The following DMXL1 variants were observed in gnomAD, a reference collection of about 807,000 sequenced individuals.
DMXL1 encodes dmX-like protein 1.
A neutral mutation model predicts 319.2 loss-of-function variants in DMXL1; 99 were observed. The observed-to-expected ratio is 0.31, with a 90% CI of 0.26 to 0.37. The LOEUF is 0.37. DMXL1 is among the 10% of genes least tolerant of loss of function. The pLI is 1.00. For synonymous variants in DMXL1, 1,385 were observed against 1,235.2 expected (o/e 1.12, Z -2.54); for missense variants, 3,745 against 3,595.6 (o/e 1.04, Z -1.06).
chr5:119,132,924 T>TA, intron 10 of DMXL1: 1 of 610,740 alleles, frequency 1.6e-6, no homozygotes, highest in East Asian at 2.8e-5. Context: ...CATTAAGCAT[T>TA]ACATTTACTG....
At chr5:119,100,492 G>A (rs901470524) in intron 2 of DMXL1, 1 of 149,876 alleles carries the variant, frequency 6.7e-6, no homozygotes, top group African/African-American at 2.4e-5. Flanking sequence ...TATTATTACT[G>A]TTTTTTTCTT....
At chr5:119,114,371 A>G (rs964396317) in intron 5 of DMXL1, 104 bp from the exon 6 acceptor site, 15 of 796,176 alleles carry the variant, frequency 1.9e-5, no homozygotes, top group South Asian at 1.5e-4. Context: ...AACTTATAAC[A>G]TTTTCTGTCT....
At chr5:119,097,259 G>A (rs1265309085) in intron 1 of DMXL1, among the ~76,000 whole-genome samples, 1 of 152,230 alleles carries the variant, frequency 6.6e-6, no homozygotes, top group African/African-American at 2.4e-5. Flanking sequence ...GAAAACTGTT[G>A]AGGGGTTTAA....
At chr5:119,104,923 T>TA (rs1307094892) in intron 3 of DMXL1, among the ~76,000 whole-genome samples, 1 of 152,230 alleles carries the variant, frequency 6.6e-6, no homozygotes, top group African/African-American at 2.4e-5. Flanking sequence ...AATCTGAGGC[T>TA]ATTAAGACTG....
At chr5:119,147,554 C>CT in intron 17 of DMXL1, 84 bp downstream of exon 17, 1 of 853,428 alleles carries the variant, frequency 1.2e-6, no homozygotes, top group South Asian at 1.6e-5. Flanking sequence ...GCAACTATCT[C>CT]TTAAATCCAC....
chr5:119,133,446 C>T (rs1285176195), intron 11 of DMXL1, 48 bp from the exon 12 acceptor site: 1 of 1,576,184 alleles, frequency 6.3e-7, no homozygotes, highest in Admixed American at 1.9e-5. Context: ...TTTCTAATAC[C>T]TCTTTATATA....
In DMXL1 at chr5:119,167,959, C is replaced by G. The variant is rs951037622; in HGVS notation, c.5398+95C>G. The G allele has an allele frequency of 1.4e-5, 17 of 1,177,290 alleles. No homozygotes were observed. The African/African-American group carries it at 2.7e-4, about 19-fold the overall frequency. The allele number at this position is 1,177,290 out of a possible 1,614,324, so 72.9% of individuals were successfully genotyped here. ...TATTAGGTGGTAAGGGTAATACAAACAAATTGAATTCATGGTCTTTATAAC... is the reference window on the plus strand; with the variant it reads ...TATTAGGTGGTAAGGGTAATACAAAGAAATTGAATTCATGGTCTTTATAAC... On this transcript the variant is annotated intron_variant, in intron 23 of 43. Transcript: ENST00000539542.
intron 38 of DMXL1, among the ~76,000 whole-genome samples, chr5:119,226,061 A>C (rs1785493635): frequency 6.6e-6 from 1 of 152,086 alleles, no homozygotes; most frequent in Non-Finnish European, 1.5e-5. Context: ...GGCAGGTGTA[A>C]ATATCCTATA....
intron 34 of DMXL1, among the ~76,000 whole-genome samples, chr5:119,209,210 G>C (rs924122984): frequency 6.6e-6 from 1 of 152,134 alleles, no homozygotes; most frequent in African/African-American, 2.4e-5. Context: ...CATTTCTCTT[G>C]TGTAAATGCC....
At chr5:119,098,939 T>A (rs1756607794) in intron 2 of DMXL1, among the ~76,000 whole-genome samples, 1 of 152,214 alleles carries the variant, frequency 6.6e-6, no homozygotes, top group Non-Finnish European at 1.5e-5. Context: ...AATCTTCATT[T>A]GAGGTAAACT....
In DMXL1 at chr5:119,197,845, G is replaced by C. The variant is rs1779923402; in HGVS notation, c.7634G>C (p.Gly2545Ala). Reference sequence around the variant, plus strand: ...CTTCTCCGACGACTTGAAATCCATGGTGGGCCACCTCAAAATTATATCGCA... The same window carrying C: ...CTTCTCCGACGACTTGAAATCCATGCTGGGCCACCTCAAAATTATATCGCA... ...QVLLRRLEIH[G>A]GPPQNYIASH... The change falls in exon 32 of 44, where the codon GGT (glycine) becomes GCT (alanine). Residue 2545 changes from glycine to alanine, a missense_variant. Around this residue, in one of 4 missense-constraint regions of DMXL1, gnomAD observed 1,382 missense variants for 1,269.5 expected, o/e 1.09. Transcript: ENST00000539542. 6.2e-7 allele frequency: 1 copy of C among 1,613,996 alleles called. No individual in the cohort carries two copies. Among genetic ancestry groups the C allele is most frequent in the Admixed American group, 1.7e-5 (1 of 59,998 alleles).
intron 3 of DMXL1, among the ~76,000 whole-genome samples, chr5:119,103,757 A>G (rs186758629): frequency 9.2e-5 from 14 of 152,312 alleles, no homozygotes; most frequent in Non-Finnish European, 1.9e-4. Context: ...AGCCCAGAAC[A>G]GTGTATTTCA....
At chr5:119,108,668 C>T (rs1331497307) in intron 4 of DMXL1, among the ~76,000 whole-genome samples, 1 of 152,192 alleles carries the variant, frequency 6.6e-6, no homozygotes, top group South Asian at 2.1e-4. Flanking sequence ...AGTCCTCCCA[C>T]CTTGGCCTCC....
At chr5:119,190,248 A>G (rs1314291637) in intron 29 of DMXL1, among the ~76,000 whole-genome samples, 7 of 152,226 alleles carry the variant, frequency 4.6e-5, no homozygotes, top group Admixed American at 1.3e-4. Flanking sequence ...TCTTTTTTAT[A>G]CTACAGCAGT....
chr5:119,207,377 A>T (rs1781929038), intron 34 of DMXL1, among the ~76,000 whole-genome samples: 1 of 152,186 alleles, frequency 6.6e-6, no homozygotes, highest in Non-Finnish European at 1.5e-5. Flanking sequence ...TTTTACTGGT[A>T]GCAATAGCAT....
At chr5:119,173,864 C>A (rs539406429) in intron 25 of DMXL1, among the ~76,000 whole-genome samples, 1 of 147,268 alleles carries the variant, frequency 6.8e-6, no homozygotes, top group East Asian at 2.0e-4. Context: ...GTCCCAAGAT[C>A]TGCAGTTGGC....
chr5:119,107,787 C>T (rs1243583119), intron 4 of DMXL1, among the ~76,000 whole-genome samples: 6 of 151,772 alleles, frequency 4.0e-5, no homozygotes, highest in Admixed American at 3.9e-4. Context: ...ACTTCTTGTG[C>T]TTTTTTTTGG....
At chr5:119,126,469 C>T (rs1763601317) in intron 9 of DMXL1, among the ~76,000 whole-genome samples, 1 of 152,014 alleles carries the variant, frequency 6.6e-6, no homozygotes, top group Admixed American at 6.6e-5. Flanking sequence ...GACTGTATAA[C>T]AATAAAATAT....
rs374167200 is a variant in DMXL1 at position 119,128,933 on chromosome 5, G to A, written c.1103-278G>A. On this transcript the variant is annotated intron_variant, in intron 9 of 43. Transcript: ENST00000539542. ...ACAAAAATTAGCTGGGCGTGGTGGC[G>A]TGTGCCTGTAATCACAGCTACTCGG... Among the ~76,000 whole-genome samples, 11 of 151,864 alleles carry A rather than the reference G, an allele frequency of 7.2e-5. No individual in the cohort carries two copies. In the East Asian group the frequency reaches 9.7e-4, roughly 13 times the overall value.
Sources: allele counts gnomAD v4.1 joint callset (sites outside exome capture counted in the v4.1 genomes callset), GRCh38; gene constraint gnomAD v4.1.1; regional missense constraint gnomAD v4.1.1; transcripts MANE v1.5; gene names NCBI Gene and HGNC (gene_info 2026-07-23, HGNC 2026-07-21).